The following REPS2 variants were observed in gnomAD, a reference collection of about 807,000 sequenced individuals.
The protein encoded by REPS2 is RALBP1 associated Eps domain containing 2.
REPS2 carries 23 observed loss-of-function variants against 53.6 expected under a neutral mutation model. That is an observed-to-expected ratio of 0.43 (90% confidence interval 0.31 to 0.61). REPS2 has a LOEUF of 0.61. REPS2 is among the 20% of genes least tolerant of loss of function. REPS2 has a pLI of 0.11. For synonymous variants in REPS2, 238 were observed against 218.6 expected (o/e 1.09, Z -0.78); for missense variants, 446 against 534.9 (o/e 0.83, Z 1.64).
intron 2 of REPS2, among the ~76,000 whole-genome samples, chrX:17,016,284 G>A (rs1051954108): frequency 6.2e-5 from 7 of 112,333 alleles, no homozygotes; most frequent in Non-Finnish European, 1.1e-4. Flanking sequence ...GTATGATTTT[G>A]GTCACAACTA....
intron 8 of REPS2, among the ~76,000 whole-genome samples, chrX:17,059,499 G>T (rs903990943): frequency 9.2e-6 from 1 of 108,792 alleles, no homozygotes; most frequent in Admixed American, 9.9e-5. Context: ...ATGGAGTCTC[G>T]CTCTGTCACC....
chrX:17,167,734 C>A, the REPS2 span, among the ~76,000 whole-genome samples: 2 of 108,840 alleles, frequency 1.8e-5, no homozygotes, highest in Non-Finnish European at 3.8e-5. Flanking sequence ...TGTCTTGGAT[C>A]TAGGAGTTTC....
At chrX:17,134,173 C>CTA (rs1224032460) in intron 15 of REPS2, among the ~76,000 whole-genome samples, 1 of 111,525 alleles carries the variant, frequency 9.0e-6, no homozygotes, top group African/African-American at 3.3e-5. Flanking sequence ...ATGGCAAGAG[C>CTA]TAAAAGGGCT....
At chrX:17,162,574 G>A in the REPS2 span, among the ~76,000 whole-genome samples, 1 of 112,515 alleles carries the variant, frequency 8.9e-6, no homozygotes, top group South Asian at 3.7e-4. Flanking sequence ...GGAAGGCTAA[G>A]ACAGAGTTCT....
chrX:17,158,992 T>A, the REPS2 span, among the ~76,000 whole-genome samples: 15 of 112,371 alleles, frequency 1.3e-4, no homozygotes, highest in African/African-American at 4.5e-4. Context: ...GCAGAACGGC[T>A]GGTTATAGTG....
At chrX:17,088,634 G>A (rs777493305) in intron 13 of REPS2, among the ~76,000 whole-genome samples, 28 of 103,943 alleles carry the variant, frequency 2.7e-4, no homozygotes, top group African/African-American at 9.7e-4. Flanking sequence ...TGTTGCCCAG[G>A]CTGGAGTGCA....
chrX:17,129,082 A>G (rs2063257910), intron 14 of REPS2, among the ~76,000 whole-genome samples: 1 of 111,630 alleles, frequency 9.0e-6, no homozygotes, highest in Non-Finnish European at 1.9e-5. Context: ...GAAAACCAAA[A>G]CTGTCGGACA....
the REPS2 span, among the ~76,000 whole-genome samples, chrX:17,182,577 C>G: frequency 6.3e-5 from 7 of 111,949 alleles, no homozygotes; most frequent in African/African-American, 2.3e-4. Context: ...CATTAGTAAA[C>G]AACAGAAGTA....
At chrX:17,088,615 G>A (rs1304710779) in intron 13 of REPS2, among the ~76,000 whole-genome samples, 96 of 100,125 alleles carry the variant, frequency 9.6e-4, no homozygotes, top group Non-Finnish European at 1.5e-3. Flanking sequence ...TTAAGATGGA[G>A]TCTCTCTCTG....
intron 14 of REPS2, among the ~76,000 whole-genome samples, chrX:17,106,334 A>G (rs1322658634): frequency 2.7e-5 from 3 of 111,602 alleles, no homozygotes; most frequent in African/African-American, 9.8e-5. Flanking sequence ...ATTAGAGAGG[A>G]CACAAACAAA....
In REPS2 at chrX:16,953,755, C is replaced by T. The variant is rs189969281; in HGVS notation, c.273+6621C>T. Among the ~76,000 whole-genome samples, 7 of 111,135 alleles carry T rather than the reference C, an allele frequency of 6.3e-5. No homozygotes were observed. In the Admixed American group the frequency reaches 6.7e-4, roughly 11 times the overall value. On this transcript the variant is annotated intron_variant, in intron 1 of 17. Coordinates refer to ENST00000357277, the MANE Select transcript of REPS2 (RefSeq NM_004726.3). ...TTTACAATGACTCATTGTTACAGTG[C>T]GGTAGAGACCCTTATGCCAAAAGGA...
chrX:16,962,533 A>G (rs73630574), intron 1 of REPS2, among the ~76,000 whole-genome samples: 5,462 of 111,407 alleles, frequency 0.049, 274 homozygotes, highest in East Asian at 0.21. Flanking sequence ...AAATAAGGCA[A>G]TGTAGGTCAA....
At chrX:17,000,766 A>G (rs781051389) in intron 1 of REPS2, among the ~76,000 whole-genome samples, 10 of 112,150 alleles carry the variant, frequency 8.9e-5, no homozygotes, top group Non-Finnish European at 1.9e-4. Context: ...GAAGAACAGC[A>G]TTCTTACTTT....
chrX:17,015,517 C>T (rs954657311), intron 2 of REPS2, among the ~76,000 whole-genome samples: 7 of 110,781 alleles, frequency 6.3e-5, no homozygotes, highest in African/African-American at 2.3e-4. Flanking sequence ...CCCATTAACT[C>T]GTCATTTAAC....
intron 2 of REPS2, among the ~76,000 whole-genome samples, chrX:17,018,784 T>G (rs940647477): frequency 9.1e-6 from 1 of 109,306 alleles, no homozygotes; most frequent in Non-Finnish European, 1.9e-5. Flanking sequence ...GCTGTTTACA[T>G]TTTTTCTAAT....
At chrX:17,030,170 A>G (rs751677059) in intron 5 of REPS2, among the ~76,000 whole-genome samples, 2 of 112,244 alleles carry the variant, frequency 1.8e-5, no homozygotes, top group Admixed American at 9.5e-5. Context: ...GCTTCTGGCT[A>G]TACCACAGCT....
At chrX:16,989,060 C>T (rs2061127706) in intron 1 of REPS2, among the ~76,000 whole-genome samples, 1 of 111,236 alleles carries the variant, frequency 9.0e-6, no homozygotes, top group Non-Finnish European at 1.9e-5. Flanking sequence ...CATATAACTA[C>T]AGTAATCAAG....
intron 5 of REPS2, among the ~76,000 whole-genome samples, chrX:17,043,406 T>G (rs73630577): frequency 1.3e-4 from 15 of 111,179 alleles, no homozygotes; most frequent in African/African-American, 4.6e-4. Context: ...TGGGAGTTCT[T>G]GGCTGTTCAT....
rs372066162 is a variant in REPS2 at position 17,118,041 on chromosome X, G to C, written c.1578+14262G>C. Among the ~76,000 whole-genome samples the C allele has an allele frequency of 3.0e-4, 26 of 86,316 alleles. No individual in the cohort carries two copies. The East Asian group carries it at 6.6e-3, about 22-fold the overall frequency. 75.0% of individuals were successfully genotyped at this position (86,316 alleles called of 115,157 possible). On this transcript the variant is annotated intron_variant, in intron 14 of 17. Coordinates refer to ENST00000357277, the MANE Select transcript of REPS2 (RefSeq NM_004726.3). ...GTGGCGGGATCTCGGCTCACTGCAA[G>C]CTCCGCCTCCCGGGTTCACGCCATT... is the stretch of plus-strand genomic sequence containing the variant.
Sources: allele counts gnomAD v4.1 joint callset (sites outside exome capture counted in the v4.1 genomes callset), GRCh38; gene constraint gnomAD v4.1.1; transcripts MANE v1.5; gene names NCBI Gene and HGNC (gene_info 2026-07-23, HGNC 2026-07-21).